APBB2: variants seen among roughly 807,000 people sequenced by gnomAD.
APBB2 encodes amyloid beta precursor protein binding family B member 2.
A neutral mutation model predicts 82.5 loss-of-function variants in APBB2; 38 were observed. The observed-to-expected ratio is 0.46, with a 90% CI of 0.36 to 0.60. The LOEUF (loss-of-function observed/expected upper bound fraction) is 0.60, where lower values mean the gene tolerates loss of function less well. Among genes scored for constraint, APBB2 ranks in the 20% least tolerant of loss-of-function variants. The pLI, the probability that APBB2 is intolerant of heterozygous loss-of-function variation, is 0.00. For missense variants in APBB2, 772 were observed against 972.3 expected (o/e 0.79, Z 2.74); for synonymous variants, 341 against 368.2 (o/e 0.93, Z 0.85).
intron 3 of APBB2, among the ~76,000 whole-genome samples, chr4:41,082,185 G>A (rs917187814): frequency 6.6e-6 from 1 of 152,184 alleles, no homozygotes; most frequent in Non-Finnish European, 1.5e-5. Flanking sequence ...TTTTAAAAAC[G>A]TAACATGGTA....
intron 4 of APBB2, among the ~76,000 whole-genome samples, chr4:41,049,154 CGG>C (rs1176345433): frequency 2.8e-4 from 42 of 149,804 alleles, no homozygotes; most frequent in African/African-American, 1.0e-3. Context: ...CCCCTCTGCC[CGG>C]CCGCCCATCG....
chr4:40,865,314 T>C (rs1763792314), intron 12 of APBB2, among the ~76,000 whole-genome samples: 1 of 152,218 alleles, frequency 6.6e-6, no homozygotes, highest in African/African-American at 2.4e-5. Context: ...GTTCCATGAT[T>C]GTAATTTGAG....
intron 2 of APBB2, among the ~76,000 whole-genome samples, chr4:41,122,137 G>A (rs1217317514): frequency 6.6e-6 from 1 of 151,990 alleles, no homozygotes; most frequent in Non-Finnish European, 1.5e-5. Flanking sequence ...AGTTGCCCAG[G>A]CTGGTCTCAA....
In APBB2 at chr4:41,159,907, AAGGAGGAGG is replaced by A. The variant is rs539873521; in HGVS notation, c.-416-16774_-416-16766del. Among the ~76,000 whole-genome samples the A allele has an allele frequency of 2.8e-4, 10 of 35,614 alleles. 2 individuals carry two copies. In the East Asian group the frequency reaches 3.9e-3, roughly 14 times the overall value. The allele number at this position is 35,614 out of a possible 152,430, so 23.4% of individuals were successfully genotyped here. ...AAAAAAAAAAAGGAAGAAGAAGGAG[AAGGAGGAGG>A]AGGAGGAGGAGGAGGAGGAGGAGGA... is the stretch of plus-strand genomic sequence containing the variant. On this transcript the variant is annotated intron_variant, in intron 1 of 17. Transcript: ENST00000508593.
At chr4:41,146,741 G>A (rs1431352121) in intron 1 of APBB2, among the ~76,000 whole-genome samples, 1 of 152,194 alleles carries the variant, frequency 6.6e-6, no homozygotes, top group Admixed American at 6.5e-5. Flanking sequence ...AGGGGAGAGA[G>A]GAGGACAGGT....
chr4:40,894,161 G>A (rs1216266308), intron 10 of APBB2, among the ~76,000 whole-genome samples: 4 of 151,926 alleles, frequency 2.6e-5, no homozygotes, highest in Admixed American at 1.3e-4. Context: ...GGTGGTGGGC[G>A]CCTCTAGTCC....
Position 40,910,535 on chromosome 4 carries a change from AGCT to A in APBB2, c.1255-17127_1255-17125del, listed in dbSNP as rs542629807. On this transcript the variant is annotated intron_variant, in intron 10 of 17. Coordinates refer to ENST00000508593, the MANE Select transcript of APBB2 (RefSeq NM_004307.2). ...ATTACAGGCATGAGCCACTGGGCCCAGCTCCCAGCCCTAGTCTTGATTCCCCAT... is the reference window on the plus strand; with the variant it reads ...ATTACAGGCATGAGCCACTGGGCCCACCCAGCCCTAGTCTTGATTCCCCAT... Among the ~76,000 whole-genome samples the A allele has an allele frequency of 3.8e-4, 58 of 152,250 alleles. No homozygotes were observed. The South Asian group carries it at 0.012, about 31-fold the overall frequency.
At chr4:40,910,121 ATT>A (rs34289899) in intron 10 of APBB2, among the ~76,000 whole-genome samples, 54,417 of 142,682 alleles carry the variant, frequency 0.38, 10,099 homozygotes, top group Middle Eastern at 0.45. Flanking sequence ...TGCCTGGCTA[ATT>A]TTTTTTTTTT....
intron 12 of APBB2, among the ~76,000 whole-genome samples, chr4:40,887,935 A>C (rs1221735175): frequency 6.6e-6 from 1 of 152,236 alleles, no homozygotes; most frequent in South Asian, 2.1e-4. Context: ...TGATTTCATC[A>C]GGGAGTAGGA....
intron 12 of APBB2, among the ~76,000 whole-genome samples, chr4:40,841,002 C>T (rs977899809): frequency 6.6e-6 from 1 of 152,222 alleles, no homozygotes; most frequent in Admixed American, 6.5e-5. Context: ...CACCTGCCCC[C>T]GCCAGGGTCT....
At position 41,007,629 on chromosome 4, in the gene APBB2, TCACC is replaced by T. The variant is rs1474620670; in HGVS notation, c.835+5950_835+5953del. On this transcript the variant is annotated intron_variant, in intron 6 of 17. Coordinates refer to ENST00000508593, the MANE Select transcript of APBB2 (RefSeq NM_004307.2). ...CAGGAGCCTAGAACATAAATAAGAATCACCCTATCTGAGTGTTCTAAACAACTAT... is the reference window on the plus strand; with the variant it reads ...CAGGAGCCTAGAACATAAATAAGAATCTATCTGAGTGTTCTAAACAACTAT... Among the ~76,000 whole-genome samples the T allele has an allele frequency of 9.2e-5, 14 of 152,284 alleles. No individual in the cohort carries two copies. The East Asian group carries it at 1.7e-3, about 19-fold the overall frequency.
At chr4:40,966,111 T>C (rs559235650) in intron 6 of APBB2, among the ~76,000 whole-genome samples, 81 of 152,352 alleles carry the variant, frequency 5.3e-4, no homozygotes, top group African/African-American at 1.8e-3. Flanking sequence ...AATATGTGAC[T>C]TAAGCATCTA....
At position 40,838,989 on chromosome 4, in the gene APBB2, C is replaced by T. The variant is rs189179985; in HGVS notation, c.1530-8412G>A. 1.8e-4 allele frequency among the ~76,000 whole-genome samples: 27 copies of T among 152,292 alleles called. No homozygotes were observed. The East Asian group carries it at 5.2e-3, about 29-fold the overall frequency. The stretch of plus-strand genomic sequence containing the variant: ...AGAGTATTTCCATGATAGGACATCT[C>T]GTTTCTTTAATAAATCAGCCTGTTC... On this transcript the variant is annotated intron_variant, in intron 12 of 17. Coordinates refer to ENST00000508593, the MANE Select transcript of APBB2 (RefSeq NM_004307.2).
In APBB2 at chr4:40,982,410, A is replaced by G. The variant is rs1295134245; in HGVS notation, c.835+31173T>C. Among the ~76,000 whole-genome samples, 288 of 96,098 alleles carry G rather than the reference A, an allele frequency of 3.0e-3. 27 individuals are homozygous for G. Among genetic ancestry groups the G allele is most frequent in the African/African-American group, 0.013 (281 of 22,084 alleles). The allele number at this position is 96,098 out of a possible 152,430, so 63.0% of individuals were successfully genotyped here. A position where few individuals can be genotyped will look rare whatever the true frequency, so the allele number is the denominator to read the frequency against. On this transcript the variant is annotated intron_variant, in intron 6 of 17. Transcript: ENST00000508593. ...AGGAAGGAAAGGAAAGGAAAGAAAGAAAGAAAGAAAGAAAGAAAGAAAGAA... is the reference window on the plus strand; with the variant it reads ...AGGAAGGAAAGGAAAGGAAAGAAAGGAAGAAAGAAAGAAAGAAAGAAAGAA...
rs370137084 is a variant in APBB2 at position 41,014,173 on chromosome 4, G to A, written c.245C>T (p.Ser82Leu). 207 of 1,614,088 alleles carry A rather than the reference G, an allele frequency of 1.3e-4. No individual in the cohort carries two copies. The highest frequency in any genetic ancestry group is 2.2e-4 in the East Asian group (10 of 44,902). The change falls in exon 6 of 18, where the codon TCG becomes TTG. Residue 82 changes from serine (S) to leucine (L), a missense_variant. Coordinates refer to ENST00000508593, the MANE Select transcript of APBB2 (RefSeq NM_004307.2). The part of the protein sequence containing the change: ...LTNIQAAMGL[S>L]DPAAQPLLGN... ...CAGCAGGGGCTGTGCAGCTGGATCC[G>A]AGAGGCCCATGGCCGCCTGGATGTT...
intron 10 of APBB2, among the ~76,000 whole-genome samples, chr4:40,913,358 TC>T (rs1779038542): frequency 6.6e-6 from 1 of 152,196 alleles, no homozygotes; most frequent in African/African-American, 2.4e-5. Flanking sequence ...GTAAGCATGC[TC>T]CCTAGGCGGA....
chr4:41,135,290 T>C (rs1417355995), intron 2 of APBB2, among the ~76,000 whole-genome samples: 1 of 152,176 alleles, frequency 6.6e-6, no homozygotes, highest in African/African-American at 2.4e-5. Flanking sequence ...AACTATATTC[T>C]TTCATCCTTA....
At chr4:40,830,917 C>A (rs527273303) in intron 12 of APBB2, among the ~76,000 whole-genome samples, 3 of 151,760 alleles carry the variant, frequency 2.0e-5, no homozygotes, top group South Asian at 2.1e-4. Flanking sequence ...TCAAAAAAAA[C>A]CAAAACCAAA....
Position 40,934,470 on chromosome 4 carries a change from C to A in APBB2, c.1240G>T (p.Asp414Tyr). The change falls in exon 10 of 18, where the codon GAC (aspartate) becomes TAC (tyrosine). Residue 414 changes from aspartate (D) to tyrosine (Y), a missense_variant. Transcript: ENST00000508593. The stretch of plus-strand genomic sequence containing the variant: ...TCTTTACAAACCTTGGCTTCTGGGT[C>A]ACTGTTGATACTACAAGAATCATCA... ...DDDDSCSINS[D>Y]PEAKCFAVRS... is the part of the protein sequence containing the mutation. 2 of 1,614,110 alleles carry A rather than the reference C, an allele frequency of 1.2e-6. No individual in the cohort carries two copies. Among genetic ancestry groups the A allele is most frequent in the South Asian group, 2.2e-5 (2 of 91,046 alleles).
Sources: allele counts gnomAD v4.1 joint callset (sites outside exome capture counted in the v4.1 genomes callset), GRCh38; gene constraint gnomAD v4.1.1; transcripts MANE v1.5; gene names NCBI Gene and HGNC (gene_info 2026-07-23, HGNC 2026-07-21).